The following MAST2 variants were observed in gnomAD, a reference collection of about 807,000 sequenced individuals.
MAST2 encodes the protein microtubule associated serine/threonine kinase 2.
A neutral mutation model predicts 147.4 loss-of-function variants in MAST2; 70 were observed. The ratio of observed to expected loss-of-function variants is 0.47; its 90% CI spans 0.39 to 0.58. The LOEUF is 0.58. MAST2 is among the 20% of genes least tolerant of loss of function. MAST2 has a pLI of 0.00. For synonymous variants in MAST2, 869 were observed against 896.8 expected, an observed-to-expected ratio of 0.97 and a Z score of 0.55; for missense variants, 2,080 against 2,302.3, an observed-to-expected ratio of 0.90 and a Z score of 1.98.
At chr1:45,950,589 C>T (rs1658783849) in intron 4 of MAST2, among the ~76,000 whole-genome samples, 1 of 152,122 alleles carries the variant, frequency 6.6e-6, no homozygotes, top group East Asian at 1.9e-4. Context: ...TGGTTCTGGG[C>T]TGGTAATAAC....
chr1:45,932,536 G>A (rs1166456350), intron 4 of MAST2, among the ~76,000 whole-genome samples: 4 of 152,068 alleles, frequency 2.6e-5, no homozygotes, highest in African/African-American at 9.7e-5. Context: ...AGCCAGGCGT[G>A]GTGGCTCACG....
chr1:46,025,906 A>C (rs1395649904), intron 16 of MAST2, 91 bp downstream of exon 16: 7 of 1,520,062 alleles, frequency 4.6e-6, no homozygotes, highest in Non-Finnish European at 6.3e-6. Context: ...AAATCTATCC[A>C]GATGGCTACC....
intron 8 of MAST2, among the ~76,000 whole-genome samples, chr1:46,006,902 G>A (rs1176734690): frequency 6.6e-6 from 1 of 152,234 alleles, no homozygotes; most frequent in African/African-American, 2.4e-5. Flanking sequence ...GGCCCTGGGT[G>A]TATGATCTAG....
chr1:45,957,165 A>G (rs1421505525), intron 4 of MAST2, among the ~76,000 whole-genome samples: 3 of 152,254 alleles, frequency 2.0e-5, no homozygotes, highest in South Asian at 4.1e-4. Context: ...AAAGCATACA[A>G]CATACTCTTT....
chr1:45,811,060 A>G (rs1034704447), intron 1 of MAST2, among the ~76,000 whole-genome samples: 4 of 151,574 alleles, frequency 2.6e-5, no homozygotes, highest in African/African-American at 9.7e-5. Flanking sequence ...CATGTTGGTC[A>G]GGCTGGTCTC....
At chr1:45,820,424 T>A (rs1379201429) in intron 1 of MAST2, among the ~76,000 whole-genome samples, 1 of 152,212 alleles carries the variant, frequency 6.6e-6, no homozygotes, top group African/African-American at 2.4e-5. Context: ...GGGGATTACA[T>A]GTAACATACT....
chr1:46,000,492 T>C (rs778932089), intron 6 of MAST2, among the ~76,000 whole-genome samples: 1 of 152,192 alleles, frequency 6.6e-6, no homozygotes, highest in Non-Finnish European at 1.5e-5. Context: ...ACCATGGGTC[T>C]GTTTCATTGC....
rs374428916 is a variant in MAST2 at position 46,033,915 on chromosome 1, C to T, written c.3651C>T (p.Ser1217=). 1.3e-5 allele frequency: 21 copies of T among 1,613,996 alleles called. No homozygotes were observed. In the African/African-American group the frequency reaches 1.3e-4, roughly 10 times the overall value. Residue 1217 remains serine (S), a synonymous_variant, in exon 27 of 29, where the codon AGC becomes AGT. Transcript: ENST00000361297. ...KAKMARRSKR[S]RGKDGQESRK... ...AGATGGCCCGAAGGAGCAAGAGGAGCCGCGGCAAGGATGGGCAAGAAAGGT... is the reference window on the plus strand; with the variant it reads ...AGATGGCCCGAAGGAGCAAGAGGAGTCGCGGCAAGGATGGGCAAGAAAGGT...
At chr1:45,897,553 A>C (rs1050484452) in intron 4 of MAST2, among the ~76,000 whole-genome samples, 1 of 152,228 alleles carries the variant, frequency 6.6e-6, no homozygotes, top group African/African-American at 2.4e-5. Flanking sequence ...TCATGCCTGT[A>C]ATCCCAGCAC....
intron 4 of MAST2, among the ~76,000 whole-genome samples, chr1:45,932,464 A>G (rs564176465): frequency 1.2e-4 from 19 of 152,292 alleles, no homozygotes; most frequent in South Asian, 8.3e-4. Context: ...ACTTGAGGTC[A>G]GGAGTTCAAG....
At chr1:45,904,529 G>A (rs1454039222) in intron 4 of MAST2, among the ~76,000 whole-genome samples, 2 of 150,994 alleles carry the variant, frequency 1.3e-5, no homozygotes, top group South Asian at 2.1e-4. Flanking sequence ...GTGCATTCGC[G>A]CAATCACAGC....
intron 4 of MAST2, among the ~76,000 whole-genome samples, chr1:45,954,705 C>T (rs1659405295): frequency 6.6e-6 from 1 of 152,180 alleles, no homozygotes; most frequent in African/African-American, 2.4e-5. Flanking sequence ...TGTTGTGGAT[C>T]TCAGCTGAGT....
At chr1:46,024,134 C>T (rs758936304) in intron 15 of MAST2, 154 bp downstream of exon 15, 42 of 713,366 alleles carry the variant, frequency 5.9e-5, no homozygotes, top group Non-Finnish European at 9.7e-5. Flanking sequence ...ATCACAGAGA[C>T]CATTTGGCCA....
chr1:45,985,247 T>TTG lies in MAST2; in HGVS notation c.593-12463_593-12462dup, dbSNP rs564482810. On this transcript the variant is annotated intron_variant, in intron 5 of 28. Coordinates refer to ENST00000361297, the MANE Select transcript of MAST2 (RefSeq NM_015112.3). ...TCCTGCCACTACATCCTGCTAATTT[T>TTG]TGTGTGTGTGTGTGTTTTTTTTTTT... 9.2e-5 allele frequency among the ~76,000 whole-genome samples: 14 copies of TTG among 151,648 alleles called. No individual in the cohort carries two copies. The South Asian group carries it at 1.5e-3, about 16-fold the overall frequency.
At chr1:45,905,499 C>T (rs1296041137) in intron 4 of MAST2, among the ~76,000 whole-genome samples, 1 of 152,166 alleles carries the variant, frequency 6.6e-6, no homozygotes, top group Non-Finnish European at 1.5e-5. Flanking sequence ...AAAGAGCCGG[C>T]TGTGCGCGGT....
chr1:45,866,077 A>C (rs1646139200), intron 3 of MAST2, among the ~76,000 whole-genome samples: 1 of 152,206 alleles, frequency 6.6e-6, no homozygotes, highest in African/African-American at 2.4e-5. Flanking sequence ...ACATTATTTT[A>C]GTTTCTTTAA....
intron 26 of MAST2, 139 bp downstream of exon 26, chr1:46,032,857 C>A: frequency 1.7e-6 from 2 of 1,182,236 alleles, no homozygotes; most frequent in Non-Finnish European, 2.3e-6. Context: ...AGGCCGGGCG[C>A]GGTGGCTCAT....
chr1:45,945,144 TAAAC>T (rs1657847042), intron 4 of MAST2, among the ~76,000 whole-genome samples: 4 of 151,952 alleles, frequency 2.6e-5, no homozygotes, highest in Non-Finnish European at 5.9e-5. Context: ...TATGAAATAA[TAAAC>T]AAAATTTAGC....
intron 5 of MAST2, among the ~76,000 whole-genome samples, chr1:45,964,699 T>C (rs1338350781): frequency 6.6e-6 from 1 of 152,208 alleles, no homozygotes; most frequent in Non-Finnish European, 1.5e-5. Flanking sequence ...TTGAAGGGTT[T>C]TTTTGTGTCT....
Sources: allele counts gnomAD v4.1 joint callset (sites outside exome capture counted in the v4.1 genomes callset), GRCh38; gene constraint gnomAD v4.1.1; transcripts MANE v1.5; gene names NCBI Gene and HGNC (gene_info 2026-07-23, HGNC 2026-07-21).